The following ZFPM2 variants were observed in gnomAD, a reference collection of about 807,000 sequenced individuals.
ZFPM2 encodes the protein zinc finger protein, FOG family member 2.
ZFPM2 carries 20 observed loss-of-function variants against 98.6 expected under a neutral mutation model. The observed-to-expected ratio is 0.20, with a 90% CI of 0.14 to 0.29. The LOEUF is 0.29. Ranked by LOEUF, ZFPM2 falls within the 10% of genes least tolerant of loss-of-function variation. The pLI, the probability that ZFPM2 is intolerant of heterozygous loss-of-function variation, is 1.00. For missense variants in ZFPM2, 1,310 were observed against 1,388.6 expected (o/e 0.94, Z 0.90); for synonymous variants, 518 against 502.7 (o/e 1.03, Z -0.41).
intron 1 of ZFPM2, among the ~76,000 whole-genome samples, chr8:105,375,269 C>T (rs886488892): frequency 6.6e-5 from 10 of 152,142 alleles, no homozygotes; most frequent in Non-Finnish European, 1.3e-4. Flanking sequence ...AGGAATCTAA[C>T]AGGGTCCTTC....
chr8:105,688,414 G>A (rs1443684584), intron 5 of ZFPM2, among the ~76,000 whole-genome samples: 3 of 151,938 alleles, frequency 2.0e-5, no homozygotes, highest in Non-Finnish European at 2.9e-5. Flanking sequence ...TATTGTAGGT[G>A]GTTTTATTCA....
In ZFPM2 at chr8:105,318,866, G is replaced by GCGGCGGCGGGA. The variant is rs1554593915; in HGVS notation, c.-76_-75insCGGCGGCGGGA. On this transcript the variant is annotated 5_prime_UTR_variant, in exon 1 of 8. Transcript: ENST00000407775. The stretch of plus-strand genomic sequence containing the variant: ...GGCCAGCGGCGGCGGCGGCGGCGGC[G>GCGGCGGCGGGA]GCGGCGGGAGCCGAGGGAGCGGCAG... 1.3e-6 allele frequency: 1 copy of GCGGCGGCGGGA among 779,612 alleles called. No individual in the cohort carries two copies. The highest frequency in any genetic ancestry group is 2.0e-5 in the African/African-American group (1 of 51,158). 48.3% of individuals were successfully genotyped at this position (779,612 alleles called of 1,614,324 possible). A position where few individuals can be genotyped will look rare whatever the true frequency, so the allele number is the denominator to read the frequency against.
intron 5 of ZFPM2, among the ~76,000 whole-genome samples, chr8:105,646,535 G>A (rs1817051807): frequency 6.6e-6 from 1 of 152,134 alleles, no homozygotes; most frequent in South Asian, 2.1e-4. Context: ...TCTGCTAGCA[G>A]ACTTAGGATT....
At chr8:105,365,988 T>A (rs1810496977) in intron 1 of ZFPM2, among the ~76,000 whole-genome samples, 3 of 152,132 alleles carry the variant, frequency 2.0e-5, no homozygotes, top group Non-Finnish European at 2.9e-5. Flanking sequence ...AAACTTAGAG[T>A]ATAAAAGTGT....
At chr8:105,702,431 T>C (rs1811160015) in intron 5 of ZFPM2, among the ~76,000 whole-genome samples, 1 of 152,208 alleles carries the variant, frequency 6.6e-6, no homozygotes, top group African/African-American at 2.4e-5. Context: ...AATGGGGTGA[T>C]AGTAACAGTG....
At chr8:105,722,508 C>T (rs573148374) in intron 5 of ZFPM2, among the ~76,000 whole-genome samples, 1 of 151,752 alleles carries the variant, frequency 6.6e-6, no homozygotes, top group African/African-American at 2.4e-5. Flanking sequence ...AAAAACCTGA[C>T]CAATGACATA....
intron 5 of ZFPM2, among the ~76,000 whole-genome samples, chr8:105,743,595 G>C (rs1008863184): frequency 6.6e-6 from 1 of 151,968 alleles, no homozygotes; most frequent in East Asian, 1.9e-4. Flanking sequence ...GAATCACCCA[G>C]ATCTCTAAGA....
chr8:105,614,803 A>G (rs1816379967), intron 4 of ZFPM2, among the ~76,000 whole-genome samples: 1 of 152,124 alleles, frequency 6.6e-6, no homozygotes. Flanking sequence ...GTTTTATTGT[A>G]TATGTTTAGT....
chr8:105,470,307 A>G (rs1812878269), intron 3 of ZFPM2, among the ~76,000 whole-genome samples: 1 of 152,140 alleles, frequency 6.6e-6, no homozygotes, highest in Non-Finnish European at 1.5e-5. Flanking sequence ...TAGCTAGGTG[A>G]CCTTTGAAAA....
intron 4 of ZFPM2, among the ~76,000 whole-genome samples, chr8:105,602,240 A>T (rs919463574): frequency 6.6e-6 from 1 of 152,116 alleles, no homozygotes; most frequent in African/African-American, 2.4e-5. Flanking sequence ...ACACTTCATA[A>T]GTGCTCACTA....
chr8:105,397,825 T>G (rs552162748), intron 1 of ZFPM2, among the ~76,000 whole-genome samples: 1 of 152,030 alleles, frequency 6.6e-6, no homozygotes, highest in African/African-American at 2.4e-5. Context: ...TTCCCTACCA[T>G]GTAACTCCGG....
intron 6 of ZFPM2, among the ~76,000 whole-genome samples, chr8:105,794,684 G>A (rs1040045812): frequency 6.6e-6 from 1 of 152,256 alleles, no homozygotes; most frequent in Non-Finnish European, 1.5e-5. Context: ...GCCCCCAGAG[G>A]TGGAGCCTAC....
chr8:105,418,357 C>G (rs1811721350), intron 1 of ZFPM2, among the ~76,000 whole-genome samples: 1 of 152,078 alleles, frequency 6.6e-6, no homozygotes, highest in African/African-American at 2.4e-5. Flanking sequence ...CACAATCAGC[C>G]CAGTGGTATT....
At position 105,441,452 on chromosome 8, in the gene ZFPM2, G is replaced by GAGAAAGAAAGAA. The variant is rs34216988; in HGVS notation, c.200-2790_200-2779dup. Among the ~76,000 whole-genome samples the GAGAAAGAAAGAA allele has an allele frequency of 8.0e-3, 313 of 38,946 alleles. 17 individuals are homozygous for GAGAAAGAAAGAA. The highest frequency in any genetic ancestry group is 0.016 in the South Asian group (15 of 966). The allele number at this position is 38,946 out of a possible 152,430, so 25.6% of individuals were successfully genotyped here. Reference sequence around the variant, plus strand: ...AGAAAGAAAGAGAGAGAGAGAGAGAGAGAAAGAAAGAAAGAAAGAAAGAAA... The same window carrying GAGAAAGAAAGAA: ...AGAAAGAAAGAGAGAGAGAGAGAGAGAGAAAGAAAGAAAGAAAGAAAGAAAGAAAGAAAGAAA... On this transcript the variant is annotated intron_variant, in intron 2 of 7. Transcript: ENST00000407775.
At chr8:105,448,789 C>G (rs1377320734) in intron 3 of ZFPM2, among the ~76,000 whole-genome samples, 3 of 151,988 alleles carry the variant, frequency 2.0e-5, no homozygotes, top group Non-Finnish European at 4.4e-5. Flanking sequence ...TACAAAGTAT[C>G]CAGCACAGAA....
chr8:105,444,246 A>C (rs1483602351), intron 2 of ZFPM2, 34 bp from the exon 3 acceptor site: 1 of 1,542,586 alleles, frequency 6.5e-7, no homozygotes, highest in Non-Finnish European at 8.9e-7. Flanking sequence ...AGCTTTGCTC[A>C]TTTTCTTTCT....
intron 5 of ZFPM2, among the ~76,000 whole-genome samples, chr8:105,669,173 G>A (rs1233021032): frequency 6.6e-6 from 1 of 151,996 alleles, no homozygotes; most frequent in Admixed American, 6.6e-5. Context: ...ACTTTGGAGA[G>A]ATTTGGTGAA....
At chr8:105,706,135 C>G (rs1169436917) in intron 5 of ZFPM2, among the ~76,000 whole-genome samples, 1 of 151,840 alleles carries the variant, frequency 6.6e-6, no homozygotes, top group Admixed American at 6.6e-5. Context: ...GTAGAACCAC[C>G]CAGATAGTAA....
At chr8:105,664,452 A>C (rs756541671) in intron 5 of ZFPM2, among the ~76,000 whole-genome samples, 26 of 151,746 alleles carry the variant, frequency 1.7e-4, no homozygotes, top group Non-Finnish European at 3.4e-4. Context: ...CTCCTGCCTC[A>C]GTCTCCCGAG....
Sources: allele counts gnomAD v4.1 joint callset (sites outside exome capture counted in the v4.1 genomes callset), GRCh38; gene constraint gnomAD v4.1.1; transcripts MANE v1.5; gene names NCBI Gene and HGNC (gene_info 2026-07-23, HGNC 2026-07-21).